The following ZNF503 variants were observed in gnomAD, a reference collection of about 807,000 sequenced individuals.
The protein encoded by ZNF503 is zinc finger protein 503.
Under a neutral mutation model 34.4 loss-of-function variants are expected in ZNF503, and 15 were observed. The ratio of observed to expected loss-of-function variants is 0.44; its 90% CI spans 0.29 to 0.67. The LOEUF (loss-of-function observed/expected upper bound fraction) is 0.67. ZNF503 is among the 30% of genes least tolerant of loss of function. ZNF503 has a pLI of 0.13. For missense variants in ZNF503, 1,007 were observed against 926.8 expected, an observed-to-expected ratio of 1.09 and a Z score of -1.12; for synonymous variants, 580 against 456.8, an observed-to-expected ratio of 1.27 and a Z score of -3.44.
chr10:75,281,990 G>A, the ZNF503 span, among the ~76,000 whole-genome samples: 1 of 152,256 alleles, frequency 6.6e-6, no homozygotes, highest in African/African-American at 2.4e-5. Flanking sequence ...CAGACCAAGA[G>A]GTGGCTAAGG....
the ZNF503 span, among the ~76,000 whole-genome samples, chr10:75,335,905 C>T: frequency 6.6e-6 from 1 of 152,178 alleles, no homozygotes; most frequent in African/African-American, 2.4e-5. Context: ...TCCTTCCAGA[C>T]CTTTTGCTGA....
chr10:75,359,510 C>T, the ZNF503 span, among the ~76,000 whole-genome samples: 1 of 152,244 alleles, frequency 6.6e-6, no homozygotes, highest in Non-Finnish European at 1.5e-5. Flanking sequence ...GTTTTAGAAG[C>T]ATCTCCGGCT....
chr10:75,292,220 A>G, the ZNF503 span, among the ~76,000 whole-genome samples: 1 of 152,200 alleles, frequency 6.6e-6, no homozygotes, highest in African/African-American at 2.4e-5. Flanking sequence ...CATATACATA[A>G]AAAGAGGGTA....
intron 1 of ZNF503, 35 bp from the exon 2 acceptor site, chr10:75,400,409 C>G (rs1843781582): frequency 3.2e-6 from 5 of 1,572,254 alleles, no homozygotes; most frequent in Non-Finnish European, 4.3e-6. Context: ...GAGCGTCACA[C>G]AGAGAAAGAA....
the ZNF503 span, among the ~76,000 whole-genome samples, chr10:75,285,357 C>T: frequency 6.6e-6 from 1 of 152,246 alleles, no homozygotes; most frequent in African/African-American, 2.4e-5. Flanking sequence ...TGAATTCATT[C>T]TGAATCATTT....
At chr10:75,293,492 A>T in the ZNF503 span, among the ~76,000 whole-genome samples, 1 of 152,138 alleles carries the variant, frequency 6.6e-6, no homozygotes, top group African/African-American at 2.4e-5. Flanking sequence ...CTGAACAAAT[A>T]TGCAAATGGA....
downstream of ZNF503, among the ~76,000 whole-genome samples, chr10:75,393,778 GA>G (rs1396452187): frequency 6.6e-6 from 1 of 152,040 alleles, no homozygotes; most frequent in Non-Finnish European, 1.5e-5. Context: ...AGAATCACTT[GA>G]ACCCGGGAGG....
the ZNF503 span, among the ~76,000 whole-genome samples, chr10:75,355,296 T>C: frequency 6.6e-6 from 1 of 152,230 alleles, no homozygotes; most frequent in Non-Finnish European, 1.5e-5. Context: ...CACCTTTTTT[T>C]CTTTTTAAAA....
intron 1 of ZNF503, among the ~76,000 whole-genome samples, 195 bp from the exon 2 acceptor site, chr10:75,400,569 A>T (rs1843785184): frequency 1.3e-5 from 2 of 152,174 alleles, no homozygotes; most frequent in Admixed American, 6.5e-5. Flanking sequence ...GAAAGGCAGC[A>T]GATTGCTCCC....
chr10:75,313,604 C>G, the ZNF503 span, among the ~76,000 whole-genome samples: 1 of 152,246 alleles, frequency 6.6e-6, no homozygotes, highest in South Asian at 2.1e-4. Context: ...TGGACCTTGT[C>G]AAGAAGCTTC....
chr10:75,303,398 G>A, the ZNF503 span, among the ~76,000 whole-genome samples: 1 of 152,246 alleles, frequency 6.6e-6, no homozygotes, highest in Non-Finnish European at 1.5e-5. Flanking sequence ...CTTTAGTGAT[G>A]TAAATAAGGA....
At chr10:75,286,762 A>G in the ZNF503 span, among the ~76,000 whole-genome samples, 1 of 151,962 alleles carries the variant, frequency 6.6e-6, no homozygotes, top group African/African-American at 2.4e-5. Context: ...TCCCACACCA[A>G]CCTCCTGGCT....
At chr10:75,390,853 G>A in the ZNF503 span, among the ~76,000 whole-genome samples, 2 of 152,186 alleles carry the variant, frequency 1.3e-5, no homozygotes, top group Non-Finnish European at 2.9e-5. Context: ...TATTCTCACA[G>A]TTCTGGAGGC....
At chr10:75,303,703 C>T in the ZNF503 span, among the ~76,000 whole-genome samples, 77,423 of 152,050 alleles carry the variant, frequency 0.51, 20,132 homozygotes, top group South Asian at 0.69. Context: ...TGATCACCCA[C>T]TTGTGTCAGA....
chr10:75,382,755 C>T, the ZNF503 span: 2 of 330,812 alleles, frequency 6.0e-6, no homozygotes, highest in South Asian at 3.1e-5. Context: ...TATCTGGTTG[C>T]TCTCTCAGAA....
the ZNF503 span, among the ~76,000 whole-genome samples, chr10:75,295,245 A>G: frequency 1.3e-5 from 2 of 151,342 alleles, no homozygotes; most frequent in Non-Finnish European, 3.0e-5. The surrounding 1 kb of genome is among the most constrained non-coding windows in gnomAD (Gnocchi z 4.0). Flanking sequence ...AGGAGGAGGC[A>G]GGGGCGCGCC....
chr10:75,300,788 C>G, the ZNF503 span, among the ~76,000 whole-genome samples: 1 of 148,370 alleles, frequency 6.7e-6, no homozygotes, highest in African/African-American at 2.5e-5. Flanking sequence ...TCACTGCAAC[C>G]TCTGCCTTCC....
chr10:75,361,564 TC>T, the ZNF503 span: 1 of 152,318 alleles, frequency 6.6e-6, no homozygotes, highest in African/African-American at 2.4e-5. Flanking sequence ...AGGATTCTTC[TC>T]TGATAGTGTT....
At chr10:75,286,810 G>C in the ZNF503 span, among the ~76,000 whole-genome samples, 1 of 152,338 alleles carries the variant, frequency 6.6e-6, no homozygotes, top group African/African-American at 2.4e-5. Flanking sequence ...AGACAGAGGG[G>C]CTGCGTCGCC....
Sources: allele counts gnomAD v4.1 joint callset (sites outside exome capture counted in the v4.1 genomes callset), GRCh38; gene constraint gnomAD v4.1.1; non-coding constraint Gnocchi (gnomAD v3.1); transcripts MANE v1.5; gene names NCBI Gene and HGNC (gene_info 2026-07-23, HGNC 2026-07-21).